The following PNPLA7 variants were observed in gnomAD, a reference collection of about 807,000 sequenced individuals.
PNPLA7 encodes the protein patatin like domain 7, lysophospholipase.
A neutral mutation model predicts 161.7 loss-of-function variants in PNPLA7; 153 were observed. The ratio of observed to expected loss-of-function variants is 0.95; its 90% CI spans 0.83 to 1.08. The LOEUF is 1.08. Among genes scored for constraint, PNPLA7 ranks in the 50% least tolerant of loss-of-function variants. PNPLA7 has a pLI of 0.00. For missense variants in PNPLA7, 1,739 were observed against 1,856.6 expected (o/e 0.94, Z 1.16); for synonymous variants, 809 against 782.1 (o/e 1.03, Z -0.57).
intron 8 of PNPLA7, among the ~76,000 whole-genome samples, chr9:137,529,133 G>A (rs904373462): frequency 7.2e-5 from 11 of 152,128 alleles, no homozygotes; most frequent in Non-Finnish European, 1.5e-5. Flanking sequence ...GAGTAGCTGG[G>A]AGCACAGGTG....
intron 12 of PNPLA7, among the ~76,000 whole-genome samples, chr9:137,510,137 A>G (rs899092027): frequency 6.6e-6 from 1 of 152,182 alleles, no homozygotes; most frequent in African/African-American, 2.4e-5. Flanking sequence ...ATCATGGTCC[A>G]GCGGTAGCAA....
At chr9:137,536,468 G>T (rs1427417555) in intron 8 of PNPLA7, among the ~76,000 whole-genome samples, 1 of 152,066 alleles carries the variant, frequency 6.6e-6, no homozygotes, top group East Asian at 1.9e-4. Flanking sequence ...GGAGCCGCTG[G>T]TTCAGGCGTG....
Position 137,462,050 on chromosome 9 carries a change from AC to A in PNPLA7, c.3646-10del. 2.5e-6 allele frequency: 4 copies of A among 1,576,782 alleles called. No individual in the cohort carries two copies. The highest frequency in any genetic ancestry group is 2.3e-5 in the East Asian group (1 of 42,742). On this transcript the variant is annotated splice_polypyrimidine_tract_variant and intron_variant, in intron 31 of 34. Coordinates refer to ENST00000406427, the MANE Select transcript of PNPLA7 (RefSeq NM_001098537.3). ...TGCTGGTAGCCCACTTCCTGTGCAC[AC>A]CCCCAGGGCCCCGTCAGGAGGTGTG...
In PNPLA7 at chr9:137,515,424, G is replaced by C. The variant is rs751275046; in HGVS notation, c.1180C>G (p.Leu394Val). 5.6e-6 allele frequency: 9 copies of C among 1,604,062 alleles called. No homozygotes were observed. The East Asian group carries it at 1.6e-4, about 28-fold the overall frequency. The change falls in exon 12 of 35, where the codon CTG (leucine) becomes GTG (valine). Residue 394 changes from leucine (L) to valine (V), a missense_variant. Leu to Val is a conservative substitution (Grantham distance 32). Coordinates refer to ENST00000406427, the MANE Select transcript of PNPLA7 (RefSeq NM_001098537.3). ...GGGTCACCTGCCCCGGGCTTCTCCA[G>C]CTCCTCCAAGATCTGTTTGCGAATG... ...PSIRKQILEE[L>V]EKPGAGDPDP...
At chr9:137,546,695 A>T in intron 4 of PNPLA7, 135 bp downstream of exon 4, 2 of 723,730 alleles carry the variant, frequency 2.8e-6, no homozygotes, top group South Asian at 3.4e-5. Context: ...CTGGTGGCAG[A>T]GCTGGGAAGC....
chr9:137,494,838 CTG>C, intron 19 of PNPLA7, among the ~76,000 whole-genome samples, 193 bp downstream of exon 19: 1 of 150,646 alleles, frequency 6.6e-6, no homozygotes, highest in African/African-American at 2.5e-5. Context: ...CTCATCCACT[CTG>C]CACCCTCACC....
At chr9:137,477,032 G>A (rs572552751) in intron 25 of PNPLA7, among the ~76,000 whole-genome samples, 2 of 152,358 alleles carry the variant, frequency 1.3e-5, no homozygotes, top group African/African-American at 4.8e-5. Flanking sequence ...CTGGCACTCC[G>A]TGGGAGATGG....
rs536146027 is a variant in PNPLA7, at chr9:137,488,841, CCT to C, written c.2198-4107_2198-4106del. On this transcript the variant is annotated intron_variant, in intron 20 of 34. Transcript: ENST00000406427. Reference sequence around the variant, plus strand: ...CAGACATCCCTCCAACTGTGCACCCCCTGACCAGCAGACATCCCTCCCAACTG... The same window carrying C: ...CAGACATCCCTCCAACTGTGCACCCCGACCAGCAGACATCCCTCCCAACTG... 2.4e-4 allele frequency among the ~76,000 whole-genome samples: 36 copies of C among 150,230 alleles called. No individual in the cohort carries two copies. In the East Asian group the frequency reaches 2.9e-3, roughly 12 times the overall value.
At chr9:137,470,839 G>C (rs1459835890) in intron 25 of PNPLA7, among the ~76,000 whole-genome samples, 2 of 152,198 alleles carry the variant, frequency 1.3e-5, no homozygotes, top group Non-Finnish European at 2.9e-5. Flanking sequence ...AGATTAAAGA[G>C]AAAATACAAT....
intron 14 of PNPLA7, among the ~76,000 whole-genome samples, chr9:137,502,603 C>A (rs1394268956): frequency 2.5e-5 from 3 of 118,618 alleles, no homozygotes; most frequent in African/African-American, 9.9e-5. Context: ...CGAGGAGGAG[C>A]CGTGGGAGGT....
In PNPLA7 at chr9:137,499,295, G is replaced by T. The variant is rs1394238509; in HGVS notation, c.1758-1050C>A. 6.6e-6 allele frequency among the ~76,000 whole-genome samples: 1 copy of T among 151,464 alleles called. No individual in the cohort carries two copies. The highest frequency in any genetic ancestry group is 1.5e-5 in the Non-Finnish European group (1 of 67,856). On this transcript the variant is annotated intron_variant, in intron 16 of 34. Coordinates refer to ENST00000406427, the MANE Select transcript of PNPLA7 (RefSeq NM_001098537.3). The surrounding 1 kb of genome is among the most constrained non-coding windows in gnomAD (Gnocchi z 5.5). ...ATGTAGACACAGAGACAGACACACG[G>T]ACACATGCAGACACATGGAGACACA...
Position 137,515,384 on chromosome 9 carries a change from G to A in PNPLA7, c.1220C>T (p.Pro407Leu). The change falls in exon 12 of 35, where the codon CCA becomes CTA. Residue 407 changes from proline to leucine, a missense_variant. Pro to Leu is a moderately conservative substitution (Grantham distance 98). This residue lies in a region of PNPLA7 where 481 missense variants were observed against 450.0 expected (regional missense o/e 1.07). Coordinates refer to ENST00000406427, the MANE Select transcript of PNPLA7 (RefSeq NM_001098537.3). ...PGAGDPDPSAPQGGPGSATSD... is the reference protein window; with the variant it reads ...PGAGDPDPSALQGGPGSATSD... ...CAGCCGTCGAGGTTCTTTACCTTGTGGGGCCGAAGGGTCAGGGTCACCTGC... is the reference window on the plus strand; with the variant it reads ...CAGCCGTCGAGGTTCTTTACCTTGTAGGGCCGAAGGGTCAGGGTCACCTGC... The A allele has an allele frequency of 6.2e-7, 1 of 1,603,032 alleles. No homozygotes were observed. Among genetic ancestry groups the A allele is most frequent in the South Asian group, 1.1e-5 (1 of 89,068 alleles).
chr9:137,501,350 C>T (rs1833403850), intron 15 of PNPLA7, among the ~76,000 whole-genome samples: 1 of 152,224 alleles, frequency 6.6e-6, no homozygotes, highest in African/African-American at 2.4e-5. Flanking sequence ...ACTCCAAGGC[C>T]ACTTCCACTG....
At chr9:137,491,576 G>A (rs1284085253) in intron 20 of PNPLA7, 13 of 985,294 alleles carry the variant, frequency 1.3e-5, no homozygotes, top group African/African-American at 3.5e-5. Flanking sequence ...GTTACATTAC[G>A]TGTTAGTGTC....
intron 23 of PNPLA7, chr9:137,479,922 C>A: frequency 1.0e-6 from 1 of 982,294 alleles, no homozygotes; most frequent in African/African-American, 1.7e-5. Flanking sequence ...AACTAAGCAG[C>A]CAGAAAAAGC....
At chr9:137,535,630 G>C (rs1835843891) in intron 8 of PNPLA7, among the ~76,000 whole-genome samples, 2 of 151,616 alleles carry the variant, frequency 1.3e-5, no homozygotes, top group South Asian at 4.2e-4. Flanking sequence ...GTGGGCACCT[G>C]TAATCCCAGC....
chr9:137,520,154 G>C lies in PNPLA7; in HGVS notation c.958-111C>G. On this transcript the variant is annotated intron_variant, in intron 10 of 34. Transcript: ENST00000406427. This position sits in a 1 kb window ranked among gnomAD's most constrained non-coding sequence, Gnocchi z 5.2. ...TGTGGGCTCCTCAAAGGTGTGACAG[G>C]TGTGGGCCCCTCAAAGGTGTGACAG... 2 of 1,477,536 alleles carry C rather than the reference G, an allele frequency of 1.4e-6. No homozygotes were observed. Among genetic ancestry groups the C allele is most frequent in the Non-Finnish European group, 1.8e-6 (2 of 1,095,730 alleles). 91.5% of individuals were successfully genotyped at this position (1,477,536 alleles called of 1,614,324 possible).
intron 34 of PNPLA7, 64 bp from the exon 35 acceptor site, chr9:137,460,540 A>G (rs972806664): frequency 6.3e-7 from 1 of 1,597,970 alleles, no homozygotes; most frequent in East Asian, 2.2e-5. Flanking sequence ...AGCGCTGGTA[A>G]CCCGGTGGGA....
intron 20 of PNPLA7, chr9:137,492,018 G>A (rs1832787712): frequency 1.0e-6 from 1 of 985,320 alleles, no homozygotes; most frequent in African/African-American, 1.7e-5. Context: ...GAGGCAGAAG[G>A]CAGGAGAGAG....
Sources: allele counts gnomAD v4.1 joint callset (sites outside exome capture counted in the v4.1 genomes callset), GRCh38; gene constraint gnomAD v4.1.1; regional missense constraint gnomAD v4.1.1; non-coding constraint Gnocchi (gnomAD v3.1); transcripts MANE v1.5; gene names NCBI Gene and HGNC (gene_info 2026-07-23, HGNC 2026-07-21).